Variants in UPP2 observed in about 807,000 individuals in gnomAD.
UPP2 encodes UPase 2.
Under a neutral mutation model 26.7 loss-of-function variants are expected in UPP2, and 23 were observed. The observed-to-expected ratio is 0.86, with a 90% CI of 0.62 to 1.22. The LOEUF is 1.22. Among genes scored for constraint, UPP2 ranks in the 50% most tolerant of loss-of-function variants. The pLI is 0.00. For synonymous variants in UPP2, 127 were observed against 141.3 expected, an observed-to-expected ratio of 0.90 and a Z score of 0.72; for missense variants, 387 against 396.7, an observed-to-expected ratio of 0.98 and a Z score of 0.21.
chr2:158,099,281 TG>T (rs1403561631), upstream of UPP2, among the ~76,000 whole-genome samples: 2 of 152,224 alleles, frequency 1.3e-5, no homozygotes, highest in Non-Finnish European at 2.9e-5. Flanking sequence ...AAATATAAAC[TG>T]CTTAGCCTCA....
At chr2:158,032,216 A>G (rs1264384694) in intron 3 of UPP2, among the ~76,000 whole-genome samples, 1 of 152,166 alleles carries the variant, frequency 6.6e-6, no homozygotes, top group Non-Finnish European at 1.5e-5. Flanking sequence ...TAGAAATAAG[A>G]ACTTAATAAA....
intron 3 of UPP2, among the ~76,000 whole-genome samples, chr2:158,035,297 C>G (rs1358286183): frequency 6.6e-6 from 1 of 151,958 alleles, no homozygotes; most frequent in Non-Finnish European, 1.5e-5. Context: ...GCTGGGATTA[C>G]AGGCATGCAC....
At chr2:158,042,242 G>A (rs1475792408) in intron 3 of UPP2, among the ~76,000 whole-genome samples, 1 of 152,188 alleles carries the variant, frequency 6.6e-6, no homozygotes, top group Non-Finnish European at 1.5e-5. Context: ...GGCCTGTACA[G>A]TTTTTTCTTT....
At chr2:158,134,020 C>T (rs968827229) in intron 6 of UPP2, 3 of 152,216 alleles carry the variant, frequency 2.0e-5, no homozygotes, top group Admixed American at 1.3e-4. Context: ...AAGACATTGC[C>T]CTTGTGACAA....
At chr2:158,049,546 T>C (rs1057121653) in intron 3 of UPP2, among the ~76,000 whole-genome samples, 5 of 152,212 alleles carry the variant, frequency 3.3e-5, no homozygotes, top group Non-Finnish European at 4.4e-5. Flanking sequence ...TTTCAGCCTC[T>C]TTTCATTTTA....
At chr2:158,093,306 A>AC (rs1553468441) in intron 3 of UPP2, among the ~76,000 whole-genome samples, 3 of 147,310 alleles carry the variant, frequency 2.0e-5, no homozygotes, top group African/African-American at 7.5e-5. Flanking sequence ...ACACACACAC[A>AC]ATTAGAAAAA....
chr2:158,015,816 C>A, exon 3 of UPP2: 1 of 453,656 alleles, frequency 2.2e-6, no homozygotes, highest in South Asian at 1.6e-5. Context: ...CCTGCTTCCC[C>A]TTCAACTTCC....
chr2:158,079,463 G>T (rs1487721962), intron 3 of UPP2, among the ~76,000 whole-genome samples: 1 of 152,004 alleles, frequency 6.6e-6, no homozygotes, highest in East Asian at 1.9e-4. Context: ...AAGATCTGGG[G>T]CAAATGAACT....
chr2:158,060,839 C>T (rs112227237), intron 3 of UPP2, among the ~76,000 whole-genome samples: 1,709 of 152,286 alleles, frequency 0.011, 30 homozygotes, highest in Middle Eastern at 0.037. Flanking sequence ...GAAGAGAGCC[C>T]TCACCAGAAA....
intron 3 of UPP2, among the ~76,000 whole-genome samples, chr2:158,048,282 A>C (rs546764964): frequency 2.6e-5 from 4 of 152,320 alleles, no homozygotes; most frequent in South Asian, 2.1e-4. Context: ...CCCCATGCTC[A>C]GTTAGAAGAA....
chr2:158,097,869 T>C (rs576803335), upstream of UPP2, among the ~76,000 whole-genome samples: 3 of 152,320 alleles, frequency 2.0e-5, no homozygotes, highest in East Asian at 5.8e-4. Flanking sequence ...ATATAGTACT[T>C]TGAAACCTAA....
At chr2:158,013,828 G>T (rs1419989226) in intron 2 of UPP2, among the ~76,000 whole-genome samples, 1 of 152,200 alleles carries the variant, frequency 6.6e-6, no homozygotes, top group African/African-American at 2.4e-5. Context: ...GCTTTGTGCG[G>T]CTTGCTTGTG....
At chr2:158,113,050 G>T (rs767607709) in intron 2 of UPP2, among the ~76,000 whole-genome samples, 10 of 152,178 alleles carry the variant, frequency 6.6e-5, no homozygotes, top group Non-Finnish European at 1.2e-4. Context: ...ACCGAAAATT[G>T]TGTCCAGAGG....
At chr2:158,060,872 C>G (rs1682341509) in intron 3 of UPP2, among the ~76,000 whole-genome samples, 1 of 152,220 alleles carries the variant, frequency 6.6e-6, no homozygotes, top group African/African-American at 2.4e-5. Flanking sequence ...ACACCCTGAT[C>G]TTCGACTTCC....
intron 3 of UPP2, among the ~76,000 whole-genome samples, chr2:158,055,954 G>A (rs574192666): frequency 5.3e-4 from 80 of 152,328 alleles, no homozygotes; most frequent in African/African-American, 1.8e-3. Flanking sequence ...GGCATACAGT[G>A]AATGAATGGA....
At chr2:158,116,866 A>G (rs1683442145) in intron 3 of UPP2, among the ~76,000 whole-genome samples, 1 of 149,240 alleles carries the variant, frequency 6.7e-6, no homozygotes, top group Admixed American at 6.6e-5. Flanking sequence ...CTTACTAAAC[A>G]TTTGAAAGTC....
chr2:158,046,581 A>G (rs902518484), intron 3 of UPP2, among the ~76,000 whole-genome samples: 1 of 152,222 alleles, frequency 6.6e-6, no homozygotes, highest in Non-Finnish European at 1.5e-5. Context: ...TTAATAGTCA[A>G]TTCTTCACTA....
At chr2:158,026,852 G>A (rs145984596) in intron 3 of UPP2, among the ~76,000 whole-genome samples, 17 of 152,172 alleles carry the variant, frequency 1.1e-4, no homozygotes, top group Non-Finnish European at 1.9e-4. Context: ...TGGTGGGAGG[G>A]GAAAGGCACT....
At chr2:158,028,977 C>T (rs1326069496) in intron 3 of UPP2, among the ~76,000 whole-genome samples, 1 of 152,214 alleles carries the variant, frequency 6.6e-6, no homozygotes, top group Non-Finnish European at 1.5e-5. Flanking sequence ...GGCAGGCTTG[C>T]CCAAGGCTTG....
Sources: allele counts gnomAD v4.1 joint callset (sites outside exome capture counted in the v4.1 genomes callset), GRCh38; gene constraint gnomAD v4.1.1; transcripts MANE v1.5; gene names NCBI Gene and HGNC (gene_info 2026-07-23, HGNC 2026-07-21).